PTPRN2: variants seen among roughly 807,000 people sequenced by gnomAD.
PTPRN2 encodes receptor-type tyrosine-protein phosphatase N2.
A neutral mutation model predicts 118.8 loss-of-function variants in PTPRN2; 74 were observed. The observed-to-expected ratio is 0.62, with a 90% CI of 0.52 to 0.76. The LOEUF is 0.76. Ranked by LOEUF, PTPRN2 falls within the 30% of genes least tolerant of loss-of-function variation. The probability of loss-of-function intolerance (pLI) is 0.00; values close to 1 mark genes in which losing one functional copy is unlikely to be tolerated. For synonymous variants in PTPRN2, 641 were observed against 608.0 expected, an observed-to-expected ratio of 1.05 and a Z score of -0.80; for missense variants, 1,481 against 1,394.4, an observed-to-expected ratio of 1.06 and a Z score of -0.99.
chr7:158,263,688 G>A (rs996390515), intron 3 of PTPRN2, among the ~76,000 whole-genome samples: 2 of 152,242 alleles, frequency 1.3e-5, no homozygotes, highest in African/African-American at 4.8e-5. Context: ...CTAAGGGGAA[G>A]GCACAGCCAT....
chr7:157,756,257 A>G (rs949007751), intron 12 of PTPRN2, among the ~76,000 whole-genome samples: 2 of 151,746 alleles, frequency 1.3e-5, no homozygotes, highest in African/African-American at 4.9e-5. Context: ...CGGCTCTGTA[A>G]TTTATTATCT....
intron 12 of PTPRN2, among the ~76,000 whole-genome samples, chr7:157,894,307 GTTTGGCATC>G (rs919452333): frequency 1.3e-5 from 2 of 152,210 alleles, no homozygotes; most frequent in African/African-American, 4.8e-5. Flanking sequence ...GCTCCTGGAC[GTTTGGCATC>G]TTTCTGTGGA....
intron 11 of PTPRN2, among the ~76,000 whole-genome samples, chr7:157,991,631 GCCTGC>G (rs1271615300): frequency 1.3e-5 from 2 of 152,236 alleles, no homozygotes; most frequent in Non-Finnish European, 2.9e-5. Flanking sequence ...CAGACTTGCA[GCCTGC>G]CTGGGACCCA....
chr7:158,150,732 A>C (rs1254935023), intron 6 of PTPRN2, among the ~76,000 whole-genome samples: 2 of 151,570 alleles, frequency 1.3e-5, no homozygotes, highest in Admixed American at 1.3e-4. Context: ...TGATCTGCAA[A>C]GCTCTCTTCT....
Position 157,972,319 on chromosome 7 carries a change from C to A in PTPRN2, c.1724-73582G>T, listed in dbSNP as rs1341072027. Among the ~76,000 whole-genome samples, 3 of 152,338 alleles carry A rather than the reference C, an allele frequency of 2.0e-5. No individual in the cohort carries two copies. The East Asian group carries it at 5.8e-4, about 29-fold the overall frequency. On this transcript the variant is annotated intron_variant, in intron 11 of 22. Coordinates refer to ENST00000389418, the MANE Select transcript of PTPRN2 (RefSeq NM_002847.5). ...TAAGGATGACAGACACATGCAGAGG[C>A]ACCTGGAATGAGGCAAATGGGACCT...
intron 9 of PTPRN2, among the ~76,000 whole-genome samples, chr7:158,114,921 G>A (rs1019048140): frequency 2.6e-5 from 4 of 152,160 alleles, no homozygotes; most frequent in African/African-American, 7.2e-5. Flanking sequence ...GGGGAGGCAC[G>A]GATGGCTAGA....
chr7:157,561,558 T>C lies in PTPRN2; in HGVS notation c.2902+7344A>G, dbSNP rs141164845. 5.3e-4 allele frequency among the ~76,000 whole-genome samples: 80 copies of C among 152,330 alleles called. No homozygotes were observed. In the East Asian group the frequency reaches 0.015, roughly 29 times the overall value. ...CTGAGCCTTTGCAGACTGAGCAGGG[T>C]TCTGCATCTGACTCTGGCTGACCGG... On this transcript the variant is annotated intron_variant, in intron 21 of 22. Transcript: ENST00000389418.
chr7:158,094,600 C>G (rs979448545), intron 10 of PTPRN2, among the ~76,000 whole-genome samples: 6 of 152,292 alleles, frequency 3.9e-5, no homozygotes, highest in Non-Finnish European at 7.4e-5. Context: ...AGCCACTGCT[C>G]CCGGCCCCCA....
intron 2 of PTPRN2, among the ~76,000 whole-genome samples, chr7:158,404,121 A>G (rs1045062703): frequency 2.0e-5 from 3 of 152,178 alleles, no homozygotes; most frequent in Admixed American, 2.0e-4. Context: ...CGCCGTGACA[A>G]TAGGAGAGAT....
At chr7:158,187,436 G>T (rs1306749879) in intron 5 of PTPRN2, among the ~76,000 whole-genome samples, 2 of 152,198 alleles carry the variant, frequency 1.3e-5, no homozygotes, top group East Asian at 3.8e-4. Context: ...TCAGCTGAGA[G>T]GGGAGGGGAG....
chr7:157,657,428 CCACA>C (rs564452346), intron 13 of PTPRN2, among the ~76,000 whole-genome samples: 14 of 36,638 alleles, frequency 3.8e-4, no homozygotes, highest in Non-Finnish European at 4.9e-4. Flanking sequence ...CACACATACG[CCACA>C]CACACACACC....
rs1014472836 is a variant in PTPRN2, at chr7:157,868,968, T to C, written c.1788+29705A>G. 1 of 151,696 alleles carries C rather than the reference T, an allele frequency of 6.6e-6. No individual in the cohort carries two copies. The highest frequency in any genetic ancestry group is 2.4e-5 in the African/African-American group (1 of 41,308). The allele number at this position is 151,696 out of a possible 1,614,324, so 9.4% of individuals were successfully genotyped here. A position where few individuals can be genotyped will look rare whatever the true frequency, so the allele number is the denominator to read the frequency against. On this transcript the variant is annotated intron_variant, in intron 12 of 22. Coordinates refer to ENST00000389418, the MANE Select transcript of PTPRN2 (RefSeq NM_002847.5). The surrounding 1 kb of genome is among the most constrained non-coding windows in gnomAD (Gnocchi z 5.2). ...ACAGTCGTTTGGGGACTCAGTTCCATGTAGAACCAGATGAAGATTCATAAA... is the reference window on the plus strand; with the variant it reads ...ACAGTCGTTTGGGGACTCAGTTCCACGTAGAACCAGATGAAGATTCATAAA...
At chr7:157,691,919 C>A (rs1797521654) in intron 12 of PTPRN2, among the ~76,000 whole-genome samples, 1 of 152,184 alleles carries the variant, frequency 6.6e-6, no homozygotes, top group Non-Finnish European at 1.5e-5. Context: ...CGGGCCACAG[C>A]CACAGGTTGG....
At chr7:158,511,792 C>G (rs1823197274) in intron 1 of PTPRN2, among the ~76,000 whole-genome samples, 1 of 152,210 alleles carries the variant, frequency 6.6e-6, no homozygotes, top group African/African-American at 2.4e-5. Flanking sequence ...CCAGGGTTCC[C>G]ACATGCACAT....
intron 12 of PTPRN2, among the ~76,000 whole-genome samples, chr7:157,885,937 G>A (rs1483776302): frequency 2.0e-5 from 3 of 152,248 alleles, no homozygotes; most frequent in African/African-American, 7.2e-5. Flanking sequence ...CACACCCCGG[G>A]AGGGGGCGAG....
chr7:157,558,080 A>C (rs1438479615), intron 21 of PTPRN2, among the ~76,000 whole-genome samples: 1 of 57,360 alleles, frequency 1.7e-5, no homozygotes, highest in Non-Finnish European at 4.3e-5. Context: ...GCACAGCTTC[A>C]CAATTCAAGG....
chr7:157,688,373 A>G (rs995935452), intron 12 of PTPRN2, among the ~76,000 whole-genome samples: 1 of 152,240 alleles, frequency 6.6e-6, no homozygotes, highest in African/African-American at 2.4e-5. Context: ...CCTTGTGCAA[A>G]CTAATTCTAA....
At chr7:158,075,827 A>G (rs906905624) in intron 11 of PTPRN2, among the ~76,000 whole-genome samples, 1 of 152,192 alleles carries the variant, frequency 6.6e-6, no homozygotes, top group Non-Finnish European at 1.5e-5. Context: ...CACGCCAGCC[A>G]CAGCTGGAGC....
intron 21 of PTPRN2, among the ~76,000 whole-genome samples, chr7:157,564,398 T>C (rs1263083317): frequency 1.3e-5 from 2 of 152,218 alleles, no homozygotes; most frequent in East Asian, 3.8e-4. Context: ...GGATTACAGG[T>C]GTGAGTCACA....
Sources: gnomAD v4.1 joint callset for allele counts (sites outside exome capture counted in the v4.1 genomes callset) on GRCh38, gnomAD v4.1.1 for gene constraint, Gnocchi (gnomAD v3.1) non-coding constraint, MANE v1.5 for transcripts, NCBI Gene and HGNC (gene_info 2026-07-23, HGNC 2026-07-21) for gene names.